The following C7 variants were observed in gnomAD, a reference collection of about 807,000 sequenced individuals.
C7 encodes the protein complement component C7.
Under a neutral mutation model 104.8 loss-of-function variants are expected in C7, and 83 were observed. That is an observed-to-expected ratio of 0.79 (90% CI 0.66 to 0.95). The LOEUF (loss-of-function observed/expected upper bound fraction) is 0.95, where lower values mean the gene tolerates loss of function less well. Ranked by LOEUF, C7 falls within the 40% of genes least tolerant of loss-of-function variation. The probability of loss-of-function intolerance (pLI) is 0.00; values close to 1 mark genes in which losing one functional copy is unlikely to be tolerated. For synonymous variants in C7, 415 were observed against 360.6 expected (o/e 1.15, Z -1.71); for missense variants, 1,070 against 1,011.2 (o/e 1.06, Z -0.79).
intron 13 of C7, 31 bp from the exon 14 acceptor site, chr5:40,964,710 C>T: frequency 6.2e-7 from 1 of 1,602,098 alleles, no homozygotes; most frequent in Non-Finnish European, 8.5e-7. Flanking sequence ...TAGACAAACT[C>T]TTTCCTTTTC....
At chr5:40,948,968 C>A (rs1481759796) in intron 8 of C7, among the ~76,000 whole-genome samples, 1 of 151,752 alleles carries the variant, frequency 6.6e-6, no homozygotes, top group East Asian at 1.9e-4. Flanking sequence ...AGAACTTGAT[C>A]TTTTCAAATC....
intron 14 of C7, among the ~76,000 whole-genome samples, chr5:40,965,511 T>C (rs57186423): frequency 0.078 from 11,885 of 152,164 alleles, 1,553 homozygotes; most frequent in African/African-American, 0.27. Flanking sequence ...TAGTGGAGGC[T>C]GCCAGCCTTC....
chr5:40,953,359 T>G (rs773753669), intron 9 of C7, among the ~76,000 whole-genome samples: 69 of 152,046 alleles, frequency 4.5e-4, no homozygotes, highest in Non-Finnish European at 8.7e-4. Context: ...AGGAATAAAT[T>G]CGACTAGGCG....
At chr5:40,965,859 T>C (rs1039601515) in intron 14 of C7, among the ~76,000 whole-genome samples, 2 of 151,684 alleles carry the variant, frequency 1.3e-5, no homozygotes, top group Admixed American at 6.6e-5. Flanking sequence ...GCCAGGCTGG[T>C]CTCGAAGTCC....
intron 14 of C7, among the ~76,000 whole-genome samples, chr5:40,970,267 G>A (rs891872477): frequency 2.6e-5 from 4 of 152,240 alleles, no homozygotes; most frequent in Admixed American, 6.5e-5. Context: ...TGACAGTGCT[G>A]TAAAGATACA....
intron 1 of C7, among the ~76,000 whole-genome samples, chr5:40,925,222 T>C (rs748632050): frequency 2.1e-4 from 32 of 152,192 alleles, no homozygotes; most frequent in Non-Finnish European, 4.4e-4. Flanking sequence ...ATCTTGAAAT[T>C]TGCTGCTTAG....
intron 14 of C7, among the ~76,000 whole-genome samples, chr5:40,970,954 A>G (rs1391638578): frequency 6.6e-6 from 1 of 152,110 alleles, no homozygotes; most frequent in African/African-American, 2.4e-5. Flanking sequence ...CATGGTGTAT[A>G]TGTGCCATAT....
intron 16 of C7, among the ~76,000 whole-genome samples, chr5:40,978,873 A>ATTTTTTTTTTTTTTTTTTTTTT (rs372551834): frequency 1.0e-4 from 8 of 80,090 alleles, no homozygotes; most frequent in African/African-American, 1.7e-4. Context: ...TTTTATGGAA[A>ATTTTTTTTTTTTTTTTTTTTTT]TTTTTTTTTT....
chr5:40,914,836 C>A (rs1271869055), intron 1 of C7, among the ~76,000 whole-genome samples: 1 of 152,090 alleles, frequency 6.6e-6, no homozygotes, highest in East Asian at 1.9e-4. Context: ...AAGGTACAGA[C>A]CTCCTTTAGC....
chr5:40,950,962 A>G (rs1740157379), intron 9 of C7, among the ~76,000 whole-genome samples: 1 of 152,150 alleles, frequency 6.6e-6, no homozygotes, highest in South Asian at 2.1e-4. Flanking sequence ...TCTGATGGCT[A>G]TTGGGTTCCA....
At chr5:40,935,840 T>A (rs1446714452) in intron 4 of C7, among the ~76,000 whole-genome samples, 1 of 152,220 alleles carries the variant, frequency 6.6e-6, no homozygotes, top group African/African-American at 2.4e-5. Flanking sequence ...TATGAAAAGC[T>A]GGCAAAGGCC....
At position 40,978,873 on chromosome 5, in the gene C7, A is replaced by ATTTTTTTTTTTTTTTTT. The variant is rs372551834; in HGVS notation, c.2166-844_2166-828dup. ...GAGGAAGGTAACACATTTTATGGAA[A>ATTTTTTTTTTTTTTTTT]TTTTTTTTTTTTTTTTTTTTTTTTG... On this transcript the variant is annotated intron_variant, in intron 16 of 17. Transcript: ENST00000313164. 2.9e-4 allele frequency among the ~76,000 whole-genome samples: 23 copies of ATTTTTTTTTTTTTTTTT among 80,088 alleles called. 2 individuals are homozygous for ATTTTTTTTTTTTTTTTT. The highest frequency in any genetic ancestry group is 6.4e-4 in the African/African-American group (15 of 23,458). 52.5% of individuals were successfully genotyped at this position (80,088 alleles called of 152,430 possible). A position where few individuals can be genotyped will look rare whatever the true frequency, so the allele number is the denominator to read the frequency against.
rs773453217 is a variant in C7 at position 40,936,503 on chromosome 5, C to T, written c.428+18C>T. Reference sequence around the variant, plus strand: ...GGAAATGGGTAAGGTGCTGGGCAGCCTCCTGAGTACATCAGTGAATTGTAG... The same window carrying T: ...GGAAATGGGTAAGGTGCTGGGCAGCTTCCTGAGTACATCAGTGAATTGTAG... On this transcript the variant is annotated intron_variant, in intron 5 of 17. Transcript: ENST00000313164. 6.2e-7 allele frequency: 1 copy of T among 1,606,066 alleles called. No homozygotes were observed. Among genetic ancestry groups the T allele is most frequent in the East Asian group, 2.2e-5 (1 of 44,790 alleles).
intron 9 of C7, among the ~76,000 whole-genome samples, chr5:40,952,330 A>C (rs1163710588): frequency 6.6e-6 from 1 of 152,214 alleles, no homozygotes; most frequent in Non-Finnish European, 1.5e-5. Flanking sequence ...CAAATGCATA[A>C]AATTTGGCTT....
chr5:40,959,637 C>T lies in C7; in HGVS notation c.1661+17C>T. The T allele has an allele frequency of 6.4e-7, 1 of 1,558,274 alleles. No individual in the cohort carries two copies. The highest frequency in any genetic ancestry group is 2.3e-5 in the East Asian group (1 of 44,166). On this transcript the variant is annotated intron_variant, in intron 12 of 17. Coordinates refer to ENST00000313164, the MANE Select transcript of C7 (RefSeq NM_000587.4). ...GCACTTGAGGTAATGGAGACCCGAC[C>T]CCCTGGCAGTTGCATAGAACACAGT...
chr5:40,929,646 C>A (rs1012101683), intron 2 of C7, among the ~76,000 whole-genome samples: 2 of 152,170 alleles, frequency 1.3e-5, no homozygotes, highest in Admixed American at 6.5e-5. Flanking sequence ...CTTCGTAGAG[C>A]ATCATTTTAG....
Position 40,949,272 on chromosome 5 carries a change from T to C in C7, c.983-632T>C, listed in dbSNP as rs78637118. 3.3e-5 allele frequency among the ~76,000 whole-genome samples: 5 copies of C among 151,884 alleles called. No individual in the cohort carries two copies. The East Asian group carries it at 9.7e-4, about 29-fold the overall frequency. ...CCAAATAATTGTTCTTTAAGAAACA[T>C]TAAGGTTATTGTAATATAGTTAGTA... On this transcript the variant is annotated intron_variant, in intron 8 of 17. Transcript: ENST00000313164.
intron 9 of C7, among the ~76,000 whole-genome samples, chr5:40,954,125 G>C (rs1360812262): frequency 6.6e-6 from 1 of 152,100 alleles, no homozygotes; most frequent in Non-Finnish European, 1.5e-5. Flanking sequence ...ACACTTTTCA[G>C]AACACTTTTC....
Position 40,963,178 on chromosome 5 carries a change from G to C in C7, c.1749+1006G>C, listed in dbSNP as rs1393059665. Among the ~76,000 whole-genome samples the C allele has an allele frequency of 5.9e-5, 9 of 152,278 alleles. No homozygotes were observed. The East Asian group carries it at 1.7e-3, about 29-fold the overall frequency. On this transcript the variant is annotated intron_variant, in intron 13 of 17. Coordinates refer to ENST00000313164, the MANE Select transcript of C7 (RefSeq NM_000587.4). ...GTGTGTGGTGTTGTTTTAGGAGCCA[G>C]GAGTCCCAAATATTGCTCTGTGGAC...
Sources: allele counts gnomAD v4.1 joint callset (sites outside exome capture counted in the v4.1 genomes callset), GRCh38; gene constraint gnomAD v4.1.1; transcripts MANE v1.5; gene names NCBI Gene and HGNC (gene_info 2026-07-23, HGNC 2026-07-21).